The following DSCAML1 variants were observed in gnomAD, a reference collection of about 807,000 sequenced individuals.
The protein encoded by DSCAML1 is cell adhesion molecule DSCAML1.
In DSCAML1, 38 loss-of-function variants were observed where a neutral mutation model predicts 200.5. The ratio of observed to expected loss-of-function variants is 0.19; its 90% confidence interval spans 0.15 to 0.25. The LOEUF (loss-of-function observed/expected upper bound fraction) is 0.25. Among genes scored for constraint, DSCAML1 ranks in the 10% least tolerant of loss-of-function variants. The pLI is 1.00. For synonymous variants in DSCAML1, 1,215 were observed against 1,165.0 expected, an observed-to-expected ratio of 1.04 and a Z score of -0.87; for missense variants, 2,223 against 2,858.8, an observed-to-expected ratio of 0.78 and a Z score of 5.07.
chr11:117,523,690 G>A (rs768101315), intron 5 of DSCAML1, among the ~76,000 whole-genome samples: 1 of 152,238 alleles, frequency 6.6e-6, no homozygotes. Flanking sequence ...GGGCTCTGCT[G>A]TGGTTCTCTG....
intron 3 of DSCAML1, among the ~76,000 whole-genome samples, chr11:117,737,013 C>T (rs900017181): frequency 6.6e-6 from 1 of 152,174 alleles, no homozygotes; most frequent in African/African-American, 2.4e-5. Flanking sequence ...AGCACCGGCA[C>T]ACAGCAAGAG....
At position 117,463,375 on chromosome 11, in the gene DSCAML1, T is replaced by A. The variant is rs2048520568; in HGVS notation, c.3265+1567A>T. On this transcript the variant is annotated intron_variant, in intron 17 of 32. Transcript: ENST00000651296. The surrounding 1 kb of genome is among the most constrained non-coding windows in gnomAD (Gnocchi z 4.0). ...AGAAATAATACATCCTTTTTTTTTT[T>A]TTTTTAGAGATGGGGTCTTGCTGTA... Among the ~76,000 whole-genome samples the A allele has an allele frequency of 6.6e-6, 1 of 152,100 alleles. No homozygotes were observed. Among genetic ancestry groups the A allele is most frequent in the Non-Finnish European group, 1.5e-5 (1 of 68,014 alleles).
At chr11:117,537,684 G>A (rs78136661) in intron 3 of DSCAML1, among the ~76,000 whole-genome samples, 2,132 of 152,336 alleles carry the variant, frequency 0.014, 45 homozygotes, top group African/African-American at 0.048. Context: ...AATAAGACTA[G>A]TGTTCGTCTA....
rs556296185 is a variant in DSCAML1 at position 117,436,962 on chromosome 11, C to G, written c.4720+160G>C. Reference sequence around the variant, plus strand: ...CCTGGCTGCAACAAACCTGATGTCCCCTTTGTCAGCCCCTTCACCTGCAGG... The same window carrying G: ...CCTGGCTGCAACAAACCTGATGTCCGCTTTGTCAGCCCCTTCACCTGCAGG... On this transcript the variant is annotated intron_variant, in intron 26 of 32. Transcript: ENST00000651296. 4.7e-4 allele frequency among the ~76,000 whole-genome samples: 72 copies of G among 152,308 alleles called. 1 individual carries two copies. In the South Asian group the frequency reaches 0.014, roughly 30 times the overall value.
chr11:117,497,610 C>G (rs367554288), intron 11 of DSCAML1, among the ~76,000 whole-genome samples: 1 of 152,256 alleles, frequency 6.6e-6, no homozygotes, highest in Non-Finnish European at 1.5e-5. Flanking sequence ...GGCTCATTCT[C>G]TCTTCCCTTC....
At chr11:117,784,781 C>G (rs146259780) in intron 1 of DSCAML1, among the ~76,000 whole-genome samples, 4 of 152,294 alleles carry the variant, frequency 2.6e-5, no homozygotes, top group Admixed American at 2.6e-4. Context: ...GCCTCCTTTA[C>G]AAAAGGGCAG....
At position 117,780,950 on chromosome 11, in the gene DSCAML1, G is replaced by C. The variant is rs1269388163; in HGVS notation, c.47-140C>G. The C allele has an allele frequency of 1.7e-6, 1 of 596,196 alleles. No individual in the cohort carries two copies. Among genetic ancestry groups the C allele is most frequent in the Non-Finnish European group, 2.6e-6 (1 of 391,218 alleles). The allele number at this position is 596,196 out of a possible 1,614,324, so 36.9% of individuals were successfully genotyped here. A position where few individuals can be genotyped will look rare whatever the true frequency, so the allele number is the denominator to read the frequency against. On this transcript the variant is annotated intron_variant, in intron 1 of 32. Coordinates refer to ENST00000651296, the MANE Select transcript of DSCAML1 (RefSeq NM_020693.4). This position sits in a 1 kb window ranked among gnomAD's most constrained non-coding sequence, Gnocchi z 4.8. ...ATTCAGTATGCACTTATTGAGCACT[G>C]ACTATACACCAGGCACTGGCAAAGG...
intron 20 of DSCAML1, 33 bp downstream of exon 20, chr11:117,450,516 T>A: frequency 1.2e-6 from 2 of 1,606,492 alleles, no homozygotes; most frequent in African/African-American, 2.7e-5. Context: ...TTTTCTTCCA[T>A]CCCCTTCATC....
intron 3 of DSCAML1, among the ~76,000 whole-genome samples, chr11:117,565,758 C>G (rs1307998419): frequency 6.6e-6 from 1 of 152,196 alleles, no homozygotes; most frequent in East Asian, 1.9e-4. Flanking sequence ...GTTTGTGTCT[C>G]TGGCCCAGGC....
In DSCAML1 at chr11:117,516,862, C is replaced by G. The variant is rs958773695; in HGVS notation, c.1511-123G>C. ...ACTCGGCCCCTGAGACTTTCGGGGG[C>G]GGACATTTGGTGGGGGCACAGGGAT... On this transcript the variant is annotated intron_variant, in intron 7 of 32. Transcript: ENST00000651296. The surrounding 1 kb of genome is among the most constrained non-coding windows in gnomAD (Gnocchi z 5.7). 2 of 1,250,120 alleles carry G rather than the reference C, an allele frequency of 1.6e-6. No individual in the cohort carries two copies. The highest frequency in any genetic ancestry group is 2.2e-6 in the Non-Finnish European group (2 of 922,350). The allele number at this position is 1,250,120 out of a possible 1,614,324, so 77.4% of individuals were successfully genotyped here.
At chr11:117,724,943 G>A (rs1250065237) in intron 3 of DSCAML1, among the ~76,000 whole-genome samples, 1 of 152,214 alleles carries the variant, frequency 6.6e-6, no homozygotes, top group Non-Finnish European at 1.5e-5. Context: ...ATTCCAAGGG[G>A]CAAGACACTG....
chr11:117,603,229 C>T (rs12797135), intron 3 of DSCAML1, among the ~76,000 whole-genome samples: 30,090 of 152,154 alleles, frequency 0.2, 3,315 homozygotes, highest in Non-Finnish European at 0.24. Flanking sequence ...TTCCTGGCCT[C>T]GAAATTCTCA....
intron 3 of DSCAML1, among the ~76,000 whole-genome samples, chr11:117,578,405 G>T (rs545321396): frequency 3.9e-5 from 6 of 152,044 alleles, no homozygotes; most frequent in Non-Finnish European, 8.8e-5. Context: ...GTGCAGAGGC[G>T]CATGCCTGTA....
intron 17 of DSCAML1, among the ~76,000 whole-genome samples, chr11:117,464,621 G>A (rs1228846325): frequency 6.6e-6 from 1 of 152,224 alleles, no homozygotes; most frequent in African/African-American, 2.4e-5. Context: ...GTGCCAGGAA[G>A]AAGGAGGAAG....
At chr11:117,658,964 T>C (rs2052786798) in intron 3 of DSCAML1, among the ~76,000 whole-genome samples, 1 of 152,202 alleles carries the variant, frequency 6.6e-6, no homozygotes, top group South Asian at 2.1e-4. Context: ...GGTGTAGTTC[T>C]GACTTTCAGG....
At chr11:117,781,349 A>AT (rs1361905373) in intron 1 of DSCAML1, among the ~76,000 whole-genome samples, 1 of 152,072 alleles carries the variant, frequency 6.6e-6, no homozygotes, top group East Asian at 1.9e-4. Context: ...AAATCCCAGG[A>AT]TTTTTGGAAT....
chr11:117,615,942 T>A (rs1009782828), intron 3 of DSCAML1, among the ~76,000 whole-genome samples: 1 of 152,082 alleles, frequency 6.6e-6, no homozygotes, highest in African/African-American at 2.4e-5. Context: ...AAACTTTTGC[T>A]TGCTTGGACA....
intron 3 of DSCAML1, among the ~76,000 whole-genome samples, chr11:117,711,684 C>T (rs751087234): frequency 1.4e-4 from 21 of 152,126 alleles, no homozygotes; most frequent in Non-Finnish European, 2.5e-4. Context: ...TCAATTCTGC[C>T]GGTCCTTTTT....
intron 20 of DSCAML1, among the ~76,000 whole-genome samples, chr11:117,449,247 G>GTA (rs1317863924): frequency 6.6e-6 from 1 of 152,150 alleles, no homozygotes; most frequent in Non-Finnish European, 1.5e-5. Flanking sequence ...TCAGGGTGTT[G>GTA]TAATGTCCTG....
Sources: allele counts gnomAD v4.1 joint callset (sites outside exome capture counted in the v4.1 genomes callset), GRCh38; gene constraint gnomAD v4.1.1; non-coding constraint Gnocchi (gnomAD v3.1); transcripts MANE v1.5; gene names NCBI Gene and HGNC (gene_info 2026-07-23, HGNC 2026-07-21).